Variants in CRACR2A observed in about 807,000 individuals in gnomAD.
The protein encoded by CRACR2A is calcium release activated channel regulator 2A.
A neutral mutation model predicts 90.5 loss-of-function variants in CRACR2A; 79 were observed. The ratio of observed to expected loss-of-function variants is 0.87; its 90% CI spans 0.73 to 1.05. The LOEUF is 1.05. Among genes scored for constraint, CRACR2A ranks in the 50% least tolerant of loss-of-function variants. CRACR2A has a pLI of 0.00. For synonymous variants in CRACR2A, 338 were observed against 356.7 expected, an observed-to-expected ratio of 0.95 and a Z score of 0.59; for missense variants, 823 against 897.2, an observed-to-expected ratio of 0.92 and a Z score of 1.06.
intron 2 of CRACR2A, chr12:3,729,057 G>A (rs1407101133): frequency 2.6e-5 from 4 of 152,214 alleles, no homozygotes; most frequent in Non-Finnish European, 5.9e-5. Flanking sequence ...TGTAGCTGGT[G>A]GCACTGCAGC....
At chr12:3,672,640 GACTATGA>G (rs1261515547) in intron 7 of CRACR2A, 1 of 504,568 alleles carries the variant, frequency 2.0e-6, no homozygotes, top group African/African-American at 2.1e-5. Context: ...TTTGTTAAAG[GACTATGA>G]ACAGCACAGT....
chr12:3,615,825 A>G (rs1867668926), intron 19 of CRACR2A, among the ~76,000 whole-genome samples: 1 of 152,210 alleles, frequency 6.6e-6, no homozygotes, highest in Non-Finnish European at 1.5e-5. Flanking sequence ...ACTGAGACTT[A>G]TCTTTTGTCT....
chr12:3,629,848 A>AG lies in CRACR2A; in HGVS notation c.1736-2143dup, dbSNP rs56031844. On this transcript the variant is annotated intron_variant, in intron 15 of 19. Coordinates refer to ENST00000440314, the MANE Select transcript of CRACR2A (RefSeq NM_001144958.2). Reference sequence around the variant, plus strand: ...GTGTGAAGGACACAAGGAAAAGACAAGGGGGGGGGGGGATGAAGAGGTGGC... The same window carrying AG: ...GTGTGAAGGACACAAGGAAAAGACAAGGGGGGGGGGGGGATGAAGAGGTGGC... Among the ~76,000 whole-genome samples, 788 of 89,890 alleles carry AG rather than the reference A, an allele frequency of 8.8e-3. 14 individuals are homozygous for AG. Among genetic ancestry groups the AG allele is most frequent in the Non-Finnish European group, 0.013 (491 of 38,086 alleles). The allele number at this position is 89,890 out of a possible 152,430, so 59.0% of individuals were successfully genotyped here. A position where few individuals can be genotyped will look rare whatever the true frequency, so the allele number is the denominator to read the frequency against.
At chr12:3,734,463 A>C (rs1039589509) in intron 1 of CRACR2A, among the ~76,000 whole-genome samples, 1 of 152,186 alleles carries the variant, frequency 6.6e-6, no homozygotes. Flanking sequence ...CATATGATCC[A>C]ACAATCCCAC....
chr12:3,657,288 G>A (rs1944929566), intron 8 of CRACR2A, among the ~76,000 whole-genome samples: 1 of 152,242 alleles, frequency 6.6e-6, no homozygotes, highest in African/African-American at 2.4e-5. Context: ...GGTACAAAAT[G>A]TGCAGGAAGA....
chr12:3,700,837 T>A (rs1223005223), intron 3 of CRACR2A, among the ~76,000 whole-genome samples: 1 of 152,210 alleles, frequency 6.6e-6, no homozygotes, highest in Non-Finnish European at 1.5e-5. Context: ...ATACAGATGA[T>A]TTGAATACTA....
At chr12:3,655,372 G>T (rs1402840894) in intron 9 of CRACR2A, among the ~76,000 whole-genome samples, 1 of 152,224 alleles carries the variant, frequency 6.6e-6, no homozygotes, top group African/African-American at 2.4e-5. Flanking sequence ...TCATCTTGCT[G>T]CAGAAGGAAA....
chr12:3,693,388 C>T (rs1369225637), intron 4 of CRACR2A, among the ~76,000 whole-genome samples: 1 of 152,226 alleles, frequency 6.6e-6, no homozygotes, highest in Non-Finnish European at 1.5e-5. Context: ...GTCAGACCAG[C>T]CCTGTCTGAT....
intron 10 of CRACR2A, among the ~76,000 whole-genome samples, chr12:3,650,780 C>T (rs1360311645): frequency 6.6e-6 from 1 of 152,156 alleles, no homozygotes; most frequent in Non-Finnish European, 1.5e-5. Context: ...AATTCTAAGT[C>T]TTCTCTGGCT....
intron 19 of CRACR2A, among the ~76,000 whole-genome samples, chr12:3,616,501 C>T (rs1867686158): frequency 6.6e-6 from 1 of 152,204 alleles, no homozygotes; most frequent in South Asian, 2.1e-4. Flanking sequence ...ATCACAGCCC[C>T]TCTTCTTTCT....
In CRACR2A at chr12:3,658,772, C is replaced by G. The variant is rs1331336801; in HGVS notation, c.762+792G>C. ...AGATCAAAGCCTTTTCTGCAGAGAA[C>G]TCACCAAGTAGATAGTCCAAAAATG... is the stretch of plus-strand genomic sequence containing the variant. On this transcript the variant is annotated intron_variant, in intron 8 of 19. Coordinates refer to ENST00000440314, the MANE Select transcript of CRACR2A (RefSeq NM_001144958.2). Among the ~76,000 whole-genome samples the G allele has an allele frequency of 5.9e-5, 9 of 151,966 alleles. 1 individual carries two copies. In the East Asian group the frequency reaches 1.5e-3, roughly 26 times the overall value.
chr12:3,617,092 G>T, intron 18 of CRACR2A, 62 bp from the exon 19 acceptor site: 3 of 1,269,352 alleles, frequency 2.4e-6, no homozygotes, highest in Non-Finnish European at 3.4e-6. Flanking sequence ...GTGGGGGGTG[G>T]TGGGAGAGCC....
intron 15 of CRACR2A, among the ~76,000 whole-genome samples, chr12:3,631,169 C>T (rs190239117): frequency 6.2e-4 from 95 of 152,290 alleles, no homozygotes; most frequent in African/African-American, 1.9e-3. Context: ...AGCTGCTGCT[C>T]GAGCATGTGT....
intron 19 of CRACR2A, among the ~76,000 whole-genome samples, chr12:3,616,032 C>T (rs1446132731): frequency 6.6e-6 from 1 of 152,240 alleles, no homozygotes; most frequent in Admixed American, 6.5e-5. Context: ...TTACGCACCT[C>T]CTTTGATTCT....
intron 15 of CRACR2A, among the ~76,000 whole-genome samples, chr12:3,631,549 C>T (rs1187694471): frequency 4.6e-5 from 7 of 152,204 alleles, no homozygotes. Context: ...ACGCTCAGCA[C>T]ACTCCCAGCT....
At chr12:3,705,582 A>C (rs1945904049) in intron 3 of CRACR2A, among the ~76,000 whole-genome samples, 1 of 152,214 alleles carries the variant, frequency 6.6e-6, no homozygotes, top group Non-Finnish European at 1.5e-5. Flanking sequence ...TTAACCACCC[A>C]GGCTTCAGTG....
chr12:3,655,917 G>A (rs1944895445), intron 9 of CRACR2A, among the ~76,000 whole-genome samples: 1 of 152,210 alleles, frequency 6.6e-6, no homozygotes, highest in Non-Finnish European at 1.5e-5. Context: ...ATTCTAGAGG[G>A]AAGAAACTTA....
At position 3,629,852 on chromosome 12, in the gene CRACR2A, G is replaced by T. The variant is rs530391977; in HGVS notation, c.1736-2146C>A. 5.2e-3 allele frequency among the ~76,000 whole-genome samples: 695 copies of T among 133,134 alleles called. 4 individuals are homozygous for T. The highest frequency in any genetic ancestry group is 0.01 in the Admixed American group (146 of 14,266). The allele number at this position is 133,134 out of a possible 152,430, so 87.3% of individuals were successfully genotyped here. A position where few individuals can be genotyped will look rare whatever the true frequency, so the allele number is the denominator to read the frequency against. On this transcript the variant is annotated intron_variant, in intron 15 of 19. Transcript: ENST00000440314. ...GAAGGACACAAGGAAAAGACAAGGG[G>T]GGGGGGGGATGAAGAGGTGGCATGT...
chr12:3,709,844 T>G (rs182008675), intron 3 of CRACR2A, among the ~76,000 whole-genome samples: 2 of 152,374 alleles, frequency 1.3e-5, no homozygotes, highest in African/African-American at 4.8e-5. Flanking sequence ...TAATGATTCT[T>G]ACTTGCAGAA....
Sources: allele counts gnomAD v4.1 joint callset (sites outside exome capture counted in the v4.1 genomes callset), GRCh38; gene constraint gnomAD v4.1.1; transcripts MANE v1.5; gene names NCBI Gene and HGNC (gene_info 2026-07-23, HGNC 2026-07-21).